Variants in EPHA7 observed in about 807,000 individuals in gnomAD.
The protein encoded by EPHA7 is ephrin type-A receptor 7.
EPHA7 carries 25 observed loss-of-function variants against 112.6 expected under a neutral mutation model. The ratio of observed to expected loss-of-function variants is 0.22; its 90% CI spans 0.16 to 0.31. The LOEUF (loss-of-function observed/expected upper bound fraction) is 0.31, where lower values mean the gene tolerates loss of function less well. Ranked by LOEUF, EPHA7 falls within the 10% of genes least tolerant of loss-of-function variation. The pLI is 1.00. For synonymous variants in EPHA7, 437 were observed against 406.5 expected, an observed-to-expected ratio of 1.07 and a Z score of -0.90; for missense variants, 962 against 1,212.6, an observed-to-expected ratio of 0.79 and a Z score of 3.07.
In EPHA7 at chr6:93,259,368, C is replaced by T. The variant is rs774868013; in HGVS notation, c.1910G>A (p.Arg637His). The T allele has an allele frequency of 2.1e-5, 34 of 1,611,662 alleles. No individual in the cohort carries two copies. The highest frequency in any genetic ancestry group is 1.3e-4 in the South Asian group (12 of 91,054). The part of the protein sequence containing the change: ...ELDASCIKIE[R>H]VIGAGEFGEV... ...AATAGCCTTACCTGCACCAATCACA[C>T]GCTCAATTTTAATACAGGAGGCATC... Residue 637 changes from arginine to histidine, a missense_variant, in exon 10 of 17, where the codon CGT becomes CAT. Arg to His is a conservative substitution (Grantham distance 29). This residue lies in a region of EPHA7 where 746 missense variants were observed against 889.2 expected (regional missense o/e 0.84). Coordinates refer to ENST00000369303, the MANE Select transcript of EPHA7 (RefSeq NM_004440.4).
At chr6:93,311,114 A>ATTTTTTTTTTTTTTTTTTTTTTTTTTTT (rs71542009) in intron 5 of EPHA7, among the ~76,000 whole-genome samples, 3 of 78,524 alleles carry the variant, frequency 3.8e-5, no homozygotes, top group African/African-American at 5.9e-5. Context: ...ATGCCCAGCT[A>ATTTTTTTTTTTTTTTTTTTTTTTTTTTT]TTTTTTTTTT....
At chr6:93,316,589 T>G (rs967508494) in intron 5 of EPHA7, among the ~76,000 whole-genome samples, 19 of 152,114 alleles carry the variant, frequency 1.2e-4, no homozygotes, top group African/African-American at 4.6e-4. Context: ...TATCTACCTA[T>G]CAGATACAAA....
In EPHA7 at chr6:93,332,004, T is replaced by G. The variant is rs116918878; in HGVS notation, c.1324+24713A>C. 6.0e-3 allele frequency among the ~76,000 whole-genome samples: 916 copies of G among 151,742 alleles called. 4 individuals are homozygous for G. Among genetic ancestry groups the G allele is most frequent in the Admixed American group, 9.0e-3 (136 of 15,180 alleles). On this transcript the variant is annotated intron_variant, in intron 5 of 16. Coordinates refer to ENST00000369303, the MANE Select transcript of EPHA7 (RefSeq NM_004440.4). ...CTCAGAAAAATACATACTATACAAC[T>G]GCTACACACCTGACATTGTTAGGTG...
chr6:93,383,451 G>C (rs1191788844), intron 3 of EPHA7, among the ~76,000 whole-genome samples: 1 of 151,820 alleles, frequency 6.6e-6, no homozygotes, highest in Admixed American at 6.6e-5. Flanking sequence ...TAAGTAGCTC[G>C]CCCAAGGTCA....
chr6:93,263,721 C>T (rs528213779), intron 9 of EPHA7, 139 bp downstream of exon 9: 3 of 518,484 alleles, frequency 5.8e-6, no homozygotes, highest in Non-Finnish European at 1.0e-5. Context: ...ACATCTGATT[C>T]AAATGCTTTA....
chr6:93,250,082 A>T (rs961315577), intron 14 of EPHA7, among the ~76,000 whole-genome samples: 3 of 152,164 alleles, frequency 2.0e-5, no homozygotes, highest in Admixed American at 1.3e-4. Flanking sequence ...TTAAAGGAAT[A>T]ACAACAAGAT....
chr6:93,322,942 A>C (rs1774147715), intron 5 of EPHA7, among the ~76,000 whole-genome samples: 1 of 151,548 alleles, frequency 6.6e-6, no homozygotes, highest in South Asian at 2.1e-4. Flanking sequence ...GTCACATAGA[A>C]TAGCAGTTAA....
chr6:93,254,056 C>T (rs1234688225), intron 14 of EPHA7, among the ~76,000 whole-genome samples: 1 of 151,962 alleles, frequency 6.6e-6, no homozygotes, highest in Non-Finnish European at 1.5e-5. Flanking sequence ...AGCATGTCCT[C>T]ATGGCAACAG....
intron 3 of EPHA7, among the ~76,000 whole-genome samples, chr6:93,389,057 A>G (rs1777772976): frequency 6.6e-6 from 1 of 152,106 alleles, no homozygotes; most frequent in Non-Finnish European, 1.5e-5. Flanking sequence ...AGTAGGATGT[A>G]CAGAAATTGA....
In EPHA7 at chr6:93,251,674, G is replaced by C. The variant is rs1486755; in HGVS notation, c.2532+2973C>G. ...AAATTTCATAATTTGAGGGTAAAAA[G>C]TTGATTTGGATGAATCAAGATATAA... is the stretch of plus-strand genomic sequence containing the variant. On this transcript the variant is annotated intron_variant, in intron 14 of 16. Transcript: ENST00000369303. Among the ~76,000 whole-genome samples the C allele has an allele frequency of 2.0e-5, 3 of 151,494 alleles. No homozygotes were observed. In the East Asian group the frequency reaches 5.8e-4, roughly 29 times the overall value.
chr6:93,381,731 C>CT (rs3839556), intron 3 of EPHA7, among the ~76,000 whole-genome samples: 109,722 of 148,802 alleles, frequency 0.74, 40,488 homozygotes, highest in South Asian at 0.79. Flanking sequence ...CTTTTTATTT[C>CT]TTTTTTTTTT....
At chr6:93,323,287 G>C (rs1774167802) in intron 5 of EPHA7, among the ~76,000 whole-genome samples, 1 of 151,444 alleles carries the variant, frequency 6.6e-6, no homozygotes, top group Non-Finnish European at 1.5e-5. Context: ...CCTCAGTGGG[G>C]ACTTAAATAC....
intron 3 of EPHA7, among the ~76,000 whole-genome samples, chr6:93,396,890 C>A (rs1342644290): frequency 6.6e-6 from 1 of 151,120 alleles, no homozygotes; most frequent in Non-Finnish European, 1.5e-5. Context: ...CCATGTTAAC[C>A]CTTTTGTTAG....
chr6:93,386,283 A>T (rs1777600874), intron 3 of EPHA7, among the ~76,000 whole-genome samples: 1 of 152,196 alleles, frequency 6.6e-6, no homozygotes, highest in South Asian at 2.1e-4. Flanking sequence ...TACTTTTTAG[A>T]TACAATGGGG....
At chr6:93,350,204 A>G (rs1775621506) in intron 5 of EPHA7, among the ~76,000 whole-genome samples, 1 of 152,040 alleles carries the variant, frequency 6.6e-6, no homozygotes. Flanking sequence ...GCTATCCCAC[A>G]AAGATTACAT....
At position 93,419,130 on chromosome 6, in the gene EPHA7, G is replaced by T. The variant is rs1417719478; in HGVS notation, c.97+115C>A. 9.1e-6 allele frequency: 7 copies of T among 770,846 alleles called. No homozygotes were observed. In the East Asian group the frequency reaches 1.6e-4, roughly 18 times the overall value. The allele number at this position is 770,846 out of a possible 1,614,324, so 47.8% of individuals were successfully genotyped here. A position where few individuals can be genotyped will look rare whatever the true frequency, so the allele number is the denominator to read the frequency against. On this transcript the variant is annotated intron_variant, in intron 1 of 16. Coordinates refer to ENST00000369303, the MANE Select transcript of EPHA7 (RefSeq NM_004440.4). ...CGGTGAGGGGGCGGGGAGCCGGCGG[G>T]GGAGGGTCGCCCGGCGCCGGAGGCG...
At chr6:93,325,292 C>CT (rs955142216) in intron 5 of EPHA7, among the ~76,000 whole-genome samples, 2 of 151,168 alleles carry the variant, frequency 1.3e-5, no homozygotes, top group Non-Finnish European at 3.0e-5. Context: ...CTCACTTATT[C>CT]TTTTTTAATA....
chr6:93,265,405 T>A (rs1770885837), intron 7 of EPHA7, among the ~76,000 whole-genome samples: 3 of 151,656 alleles, frequency 2.0e-5, no homozygotes, highest in Non-Finnish European at 4.4e-5. Context: ...ACTAAATAAT[T>A]CTTCTATGCT....
intron 5 of EPHA7, among the ~76,000 whole-genome samples, chr6:93,300,277 A>C (rs1772912679): frequency 6.6e-6 from 1 of 152,226 alleles, no homozygotes; most frequent in Non-Finnish European, 1.5e-5. Context: ...TCATGCATTC[A>C]GATAATAGCT....
Sources: gnomAD v4.1 joint callset for allele counts (sites outside exome capture counted in the v4.1 genomes callset) on GRCh38, gnomAD v4.1.1 for gene constraint, gnomAD v4.1.1 regional missense constraint, MANE v1.5 for transcripts, NCBI Gene and HGNC (gene_info 2026-07-23, HGNC 2026-07-21) for gene names.